CYP2C18: variants seen among roughly 807,000 people sequenced by gnomAD.
CYP2C18 encodes the protein cytochrome P450 family 2 subfamily C member 18.
A neutral mutation model predicts 41.3 loss-of-function variants in CYP2C18; 38 were observed. The observed-to-expected ratio is 0.92, with a 90% CI of 0.71 to 1.21. The LOEUF (loss-of-function observed/expected upper bound fraction) is 1.21, where lower values mean the gene tolerates loss of function less well. Ranked by LOEUF, CYP2C18 falls within the 50% of genes most tolerant of loss-of-function variation. CYP2C18 has a pLI of 0.00. For synonymous variants in CYP2C18, 236 were observed against 210.0 expected (o/e 1.12, Z -1.07); for missense variants, 635 against 591.4 (o/e 1.07, Z -0.77).
chr10:94,698,202 T>C (rs1443437608), intron 4 of CYP2C18, among the ~76,000 whole-genome samples: 3 of 152,164 alleles, frequency 2.0e-5, no homozygotes, highest in African/African-American at 4.8e-5. Context: ...CACACCACAC[T>C]TATTCCAAAA....
chr10:94,732,628 A>C (rs1589808630), intron 7 of CYP2C18, among the ~76,000 whole-genome samples: 1 of 152,124 alleles, frequency 6.6e-6, no homozygotes, highest in Non-Finnish European at 1.5e-5. Flanking sequence ...ACACCAGGAA[A>C]CCCTATGCAG....
chr10:94,718,939 TGTA>T (rs1847602705), intron 5 of CYP2C18, among the ~76,000 whole-genome samples: 2 of 152,216 alleles, frequency 1.3e-5, no homozygotes, highest in South Asian at 4.1e-4. Flanking sequence ...AATTGTATGG[TGTA>T]GTGCCTGGGT....
chr10:94,735,118 T>A (rs539384953), intron 8 of CYP2C18, 145 bp from the exon 9 acceptor site: 1 of 792,112 alleles, frequency 1.3e-6, no homozygotes, highest in East Asian at 2.7e-5. Context: ...TTTTTGTTTT[T>A]CTGTGTATCC....
intron 4 of CYP2C18, among the ~76,000 whole-genome samples, chr10:94,698,067 A>G (rs926163986): frequency 1.3e-5 from 2 of 152,216 alleles, no homozygotes; most frequent in African/African-American, 2.4e-5. Flanking sequence ...CATTAGACAG[A>G]TCAAGGAGAC....
intron 3 of CYP2C18, among the ~76,000 whole-genome samples, chr10:94,688,704 G>A (rs149756523): frequency 6.6e-6 from 1 of 152,132 alleles, no homozygotes; most frequent in Admixed American, 6.6e-5. Flanking sequence ...AGTATAAAAG[G>A]CTCATTTAAT....
At chr10:94,716,198 T>C (rs1332596762) in intron 5 of CYP2C18, among the ~76,000 whole-genome samples, 1 of 152,180 alleles carries the variant, frequency 6.6e-6, no homozygotes, top group Non-Finnish European at 1.5e-5. Flanking sequence ...TCTGCTCTGA[T>C]CTTAGTTATT....
intron 4 of CYP2C18, among the ~76,000 whole-genome samples, chr10:94,697,023 C>T (rs191032948): frequency 0.012 from 1,870 of 152,234 alleles, 55 homozygotes; most frequent in African/African-American, 0.043. Flanking sequence ...CTGAAAGTGA[C>T]GGGGAGAATG....
intron 3 of CYP2C18, among the ~76,000 whole-genome samples, chr10:94,689,929 C>A (rs1846965153): frequency 6.6e-6 from 1 of 152,086 alleles, no homozygotes; most frequent in Non-Finnish European, 1.5e-5. Context: ...CCCAGGCTTA[C>A]TCAGTCTACC....
chr10:94,736,111 C>A lies in CYP2C18; in HGVS notation c.*667C>A, dbSNP rs1847915355. On this transcript the variant is annotated 3_prime_UTR_variant, in exon 9 of 9. Coordinates refer to ENST00000285979, the MANE Select transcript of CYP2C18 (RefSeq NM_000772.3). ...CTCTGCTTTTGTGTTACTGTAAACA[C>A]AAGATCAAGATTTGGATAATCTTTT... 1 of 152,140 alleles carries A rather than the reference C, an allele frequency of 6.6e-6. No homozygotes were observed. The highest frequency in any genetic ancestry group is 6.6e-5 in the Admixed American group (1 of 15,254). 9.4% of individuals were successfully genotyped at this position (152,140 alleles called of 1,614,324 possible).
At chr10:94,719,982 G>A (rs1421204685) in intron 5 of CYP2C18, among the ~76,000 whole-genome samples, 1 of 152,056 alleles carries the variant, frequency 6.6e-6, no homozygotes, top group African/African-American at 2.4e-5. Context: ...AAAGTGTTGG[G>A]ATTACAGGCA....
chr10:94,716,627 C>A (rs182699106), intron 5 of CYP2C18, among the ~76,000 whole-genome samples: 1 of 151,936 alleles, frequency 6.6e-6, no homozygotes, highest in African/African-American at 2.4e-5. Flanking sequence ...GGAATACGTG[C>A]GATATGGTGC....
chr10:94,706,835 A>G lies in CYP2C18; in HGVS notation c.694A>G (p.Lys232Glu), dbSNP rs2296681. Residue 232 changes from lysine to glutamate, a missense_variant, in exon 5 of 9, where the codon AAA (lysine) becomes GAA (glutamate). Physicochemically the swap from Lys to Glu is moderately conservative, Grantham distance 56 (BLOSUM62 1). Transcript: ENST00000285979. ...CGATTATCTCCCAGGAAGTCATAAT[A>G]AAATAGCTGAAAATTTTGCTTACAT... is the stretch of plus-strand genomic sequence containing the variant. Reference protein sequence around the residue: ...LIDYLPGSHNKIAENFAYIKS... With the variant: ...LIDYLPGSHNEIAENFAYIKS... 279 of 1,607,770 alleles carry G rather than the reference A, an allele frequency of 1.7e-4. 3 individuals are homozygous for G. In the East Asian group the frequency reaches 6.1e-3, roughly 35 times the overall value.
intron 5 of CYP2C18, among the ~76,000 whole-genome samples, chr10:94,708,828 G>A (rs1160911480): frequency 6.6e-6 from 1 of 152,186 alleles, no homozygotes; most frequent in Non-Finnish European, 1.5e-5. Flanking sequence ...AAATTACACA[G>A]TATGTGGTCT....
At chr10:94,691,376 A>G (rs1846995987) in intron 3 of CYP2C18, among the ~76,000 whole-genome samples, 1 of 152,198 alleles carries the variant, frequency 6.6e-6, no homozygotes, top group African/African-American at 2.4e-5. Context: ...TTATACACCA[A>G]TAGCAGACAA....
rs200905074 is a variant in CYP2C18 at position 94,688,290 on chromosome 10, T to G, written c.481+16T>G. ...AAAACCAATGGTGGGTGACTTTTTT[T>G]TTTCCTGAAAAATGTTTTCTAAAAT... On this transcript the variant is annotated intron_variant, in intron 3 of 8. Transcript: ENST00000285979. 4.4e-5 allele frequency: 70 copies of G among 1,581,098 alleles called. No individual in the cohort carries two copies. The East Asian group carries it at 1.4e-3, about 32-fold the overall frequency.
chr10:94,688,289 T>C lies in CYP2C18; in HGVS notation c.481+15T>C. ...AAAAACCAATGGTGGGTGACTTTTTTTTTTCCTGAAAAATGTTTTCTAAAA... is the reference window on the plus strand; with the variant it reads ...AAAAACCAATGGTGGGTGACTTTTTCTTTTCCTGAAAAATGTTTTCTAAAA... On this transcript the variant is annotated intron_variant, in intron 3 of 8. Transcript: ENST00000285979. The C allele has an allele frequency of 6.3e-7, 1 of 1,581,644 alleles. No homozygotes were observed. The highest frequency in any genetic ancestry group is 8.5e-7 in the Non-Finnish European group (1 of 1,170,848).
intron 5 of CYP2C18, among the ~76,000 whole-genome samples, chr10:94,709,587 C>T (rs1345324067): frequency 6.6e-6 from 1 of 152,046 alleles, no homozygotes; most frequent in Non-Finnish European, 1.5e-5. Flanking sequence ...TTTTGAAATA[C>T]AAGTTTTTAG....
intron 7 of CYP2C18, among the ~76,000 whole-genome samples, chr10:94,729,037 C>T (rs1489289262): frequency 6.6e-6 from 1 of 152,084 alleles, no homozygotes; most frequent in Non-Finnish European, 1.5e-5. Context: ...CCAACTCTAT[C>T]TAAAAGTTGC....
intron 7 of CYP2C18, chr10:94,728,741 T>C (rs999856476): frequency 4.8e-4 from 127 of 265,122 alleles, no homozygotes; most frequent in Non-Finnish European, 4.5e-4. Flanking sequence ...TCTCCTCACT[T>C]TTTTTTTTTT....
Sources: allele counts gnomAD v4.1 joint callset (sites outside exome capture counted in the v4.1 genomes callset), GRCh38; gene constraint gnomAD v4.1.1; transcripts MANE v1.5; gene names NCBI Gene and HGNC (gene_info 2026-07-23, HGNC 2026-07-21).